The following SIAH1 variants were observed in gnomAD, a reference collection of about 807,000 sequenced individuals.
The protein encoded by SIAH1 is siah E3 ubiquitin protein ligase 1, also known as E3 ubiquitin-protein ligase SIAH1.
SIAH1 carries 2 observed loss-of-function variants against 20.0 expected under a neutral mutation model. That is an observed-to-expected ratio of 0.10 (90% confidence interval 0.04 to 0.31). The LOEUF is 0.31. Ranked by LOEUF, SIAH1 falls within the 10% of genes least tolerant of loss-of-function variation. SIAH1 has a pLI of 1.00. For missense variants in SIAH1, 119 were observed against 355.3 expected (o/e 0.33, Z 5.35); for synonymous variants, 118 against 125.3 (o/e 0.94, Z 0.39).
intron 1 of SIAH1, among the ~76,000 whole-genome samples, chr16:48,370,789 G>A (rs1392126485): frequency 4.8e-5 from 7 of 144,368 alleles, no homozygotes; most frequent in African/African-American, 7.9e-5. Flanking sequence ...CTGGGCGACA[G>A]AGCAAGACTC....
intron 1 of SIAH1, among the ~76,000 whole-genome samples, chr16:48,382,272 A>G (rs1226506981): frequency 6.6e-6 from 1 of 152,130 alleles, no homozygotes. Flanking sequence ...TCCTAGTCCC[A>G]GCCACTTATG....
At chr16:48,376,483 A>T (rs1178208990) in intron 1 of SIAH1, among the ~76,000 whole-genome samples, 1 of 151,558 alleles carries the variant, frequency 6.6e-6, no homozygotes, top group Non-Finnish European at 1.5e-5. Flanking sequence ...TTTATACTAT[A>T]AAAAAAAATC....
intron 1 of SIAH1, among the ~76,000 whole-genome samples, chr16:48,383,992 T>A (rs1446403859): frequency 2.6e-5 from 4 of 152,226 alleles, no homozygotes; most frequent in Non-Finnish European, 5.9e-5. Flanking sequence ...CAACAGGGCT[T>A]GAGGTAGATA....
chr16:48,368,608 G>A (rs1409598446), intron 1 of SIAH1, among the ~76,000 whole-genome samples: 1 of 152,168 alleles, frequency 6.6e-6, no homozygotes, highest in Admixed American at 6.5e-5. Flanking sequence ...TGAGGCAGAA[G>A]AATCACTTGA....
In SIAH1 at chr16:48,362,202, C is replaced by T; in HGVS notation, c.227G>A (p.Arg76Gln). 6.2e-7 allele frequency: 1 copy of T among 1,614,212 alleles called. No individual in the cohort carries two copies. Among genetic ancestry groups the T allele is most frequent in the East Asian group, 2.2e-5 (1 of 44,882 alleles). ...RPKLTCCPTCRGPLGSIRNLA... is the reference protein window; with the variant it reads ...RPKLTCCPTCQGPLGSIRNLA... ...GTTGCGAATGGATCCCAAAGGGCCC[C>T]GGCAAGTTGGACAACATGTGAGCTT... is the stretch of plus-strand genomic sequence containing the variant. The change falls in exon 2 of 2, where the codon CGG becomes CAG. Residue 76 changes from arginine (R) to glutamine (Q), a missense_variant. Arg to Gln is a conservative substitution (Grantham distance 43). Transcript: ENST00000394725. This position sits in a 1 kb window ranked among gnomAD's most constrained non-coding sequence, Gnocchi z 4.2.
At chr16:48,367,344 A>G (rs1427618286) in intron 1 of SIAH1, among the ~76,000 whole-genome samples, 1 of 152,242 alleles carries the variant, frequency 6.6e-6, no homozygotes, top group Non-Finnish European at 1.5e-5. Flanking sequence ...CTGTTTACCA[A>G]ACTCCAAAAG....
rs1432348530 is a variant in SIAH1, at chr16:48,362,369, C to G, written c.60G>C (p.Gln20His). 6.2e-6 allele frequency: 10 copies of G among 1,614,048 alleles called. No homozygotes were observed. Among genetic ancestry groups the G allele is most frequent in the Admixed American group, 1.7e-5 (1 of 60,000 alleles). Reference sequence around the variant, plus strand: ...TTGTGCCAGTCAGGGCAGGCACCCTCTGGGATGGTGGACACTTCGAGGTAC... The same window carrying G: ...TTGTGCCAGTCAGGGCAGGCACCCTGTGGGATGGTGGACACTTCGAGGTAC... ...PTGTSKCPPS[Q>H]RVPALTGTTA... is the part of the protein sequence containing the mutation. Residue 20 changes from glutamine to histidine, a missense_variant, in exon 2 of 2, where the codon CAG becomes CAC. By Grantham distance (24) the Gln-to-His change is conservative (BLOSUM62 0). Around this residue, in one of 2 missense-constraint regions of SIAH1, gnomAD observed 35 missense variants for 47.5 expected, o/e 0.74. Coordinates refer to ENST00000394725, the MANE Select transcript of SIAH1 (RefSeq NM_003031.4). The surrounding 1 kb of genome is among the most constrained non-coding windows in gnomAD (Gnocchi z 4.2).
chr16:48,363,802 T>G (rs951898788), intron 1 of SIAH1: 20 of 166,738 alleles, frequency 1.2e-4, no homozygotes, highest in African/African-American at 4.8e-4. Context: ...CCAGGCTGAG[T>G]CAAAGATAAA....
chr16:48,386,793 G>T (rs1961476672), upstream of SIAH1, among the ~76,000 whole-genome samples: 1 of 152,176 alleles, frequency 6.6e-6, no homozygotes, highest in African/African-American at 2.4e-5. Context: ...AAGGGCAGAG[G>T]AGTTCTGTCC....
chr16:48,368,945 T>TA (rs1446302368), intron 1 of SIAH1, among the ~76,000 whole-genome samples: 2 of 152,186 alleles, frequency 1.3e-5, no homozygotes, highest in Non-Finnish European at 2.9e-5. Context: ...GCCTTTAGGT[T>TA]AAAAGGGTAT....
At chr16:48,363,777 C>T (rs970707553) in intron 1 of SIAH1, 1 of 166,522 alleles carries the variant, frequency 6.0e-6, no homozygotes, top group African/African-American at 2.4e-5. Flanking sequence ...AAGAAATAAT[C>T]GACAATGTAA....
chr16:48,377,794 A>T (rs1438309937), intron 1 of SIAH1, among the ~76,000 whole-genome samples: 1 of 152,094 alleles, frequency 6.6e-6, no homozygotes, highest in Non-Finnish European at 1.5e-5. Context: ...AAACAAAAGA[A>T]GGGCCAGGTG....
intron 1 of SIAH1, among the ~76,000 whole-genome samples, chr16:48,380,650 G>C (rs577313550): frequency 6.6e-6 from 1 of 151,184 alleles, no homozygotes; most frequent in Non-Finnish European, 1.5e-5. Flanking sequence ...CAGGCCAGGC[G>C]CAGTGGCCCA....
Position 48,361,953 on chromosome 16 carries a change from T to C in SIAH1, c.476A>G (p.Gln159Arg). Residue 159 changes from glutamine to arginine, a missense_variant, in exon 2 of 2, where the codon CAG (glutamine) becomes CGG (arginine). This residue lies in a region of SIAH1 where 84 missense variants were observed against 307.8 expected (regional missense o/e 0.27). Transcript: ENST00000394725. ...AGCAAGAAAAACTATATCCTCTCCC[T>C]GTAGGGTTGTAATGGACTTATGCTG... ...MHQHKSITTLQGEDIVFLATD... is the reference protein window; with the variant it reads ...MHQHKSITTLRGEDIVFLATD... The C allele has an allele frequency of 6.2e-7, 1 of 1,614,120 alleles. No homozygotes were observed. Among genetic ancestry groups the C allele is most frequent in the South Asian group, 1.1e-5 (1 of 91,070 alleles).
At chr16:48,369,128 AAC>A (rs1485972283) in intron 1 of SIAH1, among the ~76,000 whole-genome samples, 2 of 152,346 alleles carry the variant, frequency 1.3e-5, no homozygotes, top group South Asian at 2.1e-4. Context: ...TAAAAAATCA[AAC>A]ACTGTTATAA....
At chr16:48,370,699 G>A (rs547124124) in intron 1 of SIAH1, among the ~76,000 whole-genome samples, 17 of 151,936 alleles carry the variant, frequency 1.1e-4, no homozygotes, top group Admixed American at 2.6e-4. Flanking sequence ...CCAGCTATTC[G>A]GGAGACTGAG....
chr16:48,377,250 A>C (rs897876520), intron 1 of SIAH1, among the ~76,000 whole-genome samples: 21 of 152,218 alleles, frequency 1.4e-4, no homozygotes, highest in African/African-American at 4.6e-4. Context: ...GAATAAGCAA[A>C]AAAAACCAAA....
upstream of SIAH1, chr16:48,385,502 C>CG (rs1961436972): frequency 6.6e-6 from 1 of 150,972 alleles, no homozygotes; most frequent in South Asian, 2.1e-4. Context: ...CCTGGGGGGG[C>CG]GGGGCTTTCG....
chr16:48,386,103 AAAT>A (rs1432323505), upstream of SIAH1, among the ~76,000 whole-genome samples: 1 of 152,228 alleles, frequency 6.6e-6, no homozygotes, highest in African/African-American at 2.4e-5. Context: ...CCACTTCTTG[AAAT>A]AATAAAAGGA....
Sources: gnomAD v4.1 joint callset for allele counts (sites outside exome capture counted in the v4.1 genomes callset) on GRCh38, gnomAD v4.1.1 for gene constraint, gnomAD v4.1.1 regional missense constraint, Gnocchi (gnomAD v3.1) non-coding constraint, MANE v1.5 for transcripts, NCBI Gene and HGNC (gene_info 2026-07-23, HGNC 2026-07-21) for gene names.